KIF25: variants seen among roughly 807,000 people sequenced by gnomAD.
KIF25 encodes kinesin-like protein KIF25.
Under a neutral mutation model 32.9 loss-of-function variants are expected in KIF25, and 19 were observed. The ratio of observed to expected loss-of-function variants is 0.58; its 90% confidence interval spans 0.40 to 0.85. The LOEUF is 0.85. KIF25 is among the 40% of genes least tolerant of loss of function. The pLI is 0.00. For synonymous variants in KIF25, 225 were observed against 213.7 expected (o/e 1.05, Z -0.46); for missense variants, 485 against 507.0 (o/e 0.96, Z 0.42).
At chr6:168,027,325 C>G (rs1456058702) in intron 5 of KIF25, among the ~76,000 whole-genome samples, 3 of 151,820 alleles carry the variant, frequency 2.0e-5, no homozygotes, top group African/African-American at 7.3e-5. Flanking sequence ...TGGTGGCACA[C>G]ACCTGTAGTC....
intron 5 of KIF25, among the ~76,000 whole-genome samples, chr6:168,025,881 G>A (rs919110605): frequency 2.6e-5 from 4 of 152,262 alleles, no homozygotes; most frequent in African/African-American, 9.6e-5. Context: ...CCCACAGAGT[G>A]TGCGGCCGAG....
chr6:168,039,867 G>T (rs1353047770), intron 9 of KIF25, among the ~76,000 whole-genome samples, 198 bp from the exon 10 acceptor site: 1 of 152,216 alleles, frequency 6.6e-6, no homozygotes, highest in Non-Finnish European at 1.5e-5. Flanking sequence ...TCAGCAATTA[G>T]AGATGCTATA....
chr6:168,035,461 C>CGGGGGGGGGCGGGAACGGCGCTGCG (rs200000338), intron 8 of KIF25, among the ~76,000 whole-genome samples: 2 of 68,986 alleles, frequency 2.9e-5, no homozygotes, highest in African/African-American at 1.5e-4. Flanking sequence ...AACGGCGCTG[C>CGGGGGGGGGCGGGAACGGCGCTGCG]GGGGGGGGCG....
At chr6:168,017,190 C>G (rs1014940514) in intron 4 of KIF25, among the ~76,000 whole-genome samples, 7 of 130,130 alleles carry the variant, frequency 5.4e-5, no homozygotes, top group African/African-American at 1.8e-4. Flanking sequence ...CATGTTATTG[C>G]AGACACACAC....
chr6:168,025,881 G>C (rs919110605), intron 5 of KIF25, among the ~76,000 whole-genome samples: 1 of 152,262 alleles, frequency 6.6e-6, no homozygotes. Context: ...CCCACAGAGT[G>C]TGCGGCCGAG....
intron 4 of KIF25, among the ~76,000 whole-genome samples, chr6:168,015,288 A>G (rs1162964041): frequency 6.6e-6 from 1 of 152,134 alleles, no homozygotes; most frequent in Non-Finnish European, 1.5e-5. Flanking sequence ...TCTTCCTCTC[A>G]GGTTTCCTTA....
At chr6:168,021,505 A>G (rs1320700662) in intron 5 of KIF25, among the ~76,000 whole-genome samples, 1 of 152,248 alleles carries the variant, frequency 6.6e-6, no homozygotes, top group Non-Finnish European at 1.5e-5. Flanking sequence ...GTGCTTTTAT[A>G]TATAAAATTT....
chr6:168,035,882 C>T (rs1799018404), intron 8 of KIF25: 7 of 429,032 alleles, frequency 1.6e-5, no homozygotes, highest in South Asian at 8.0e-5. Context: ...GGAGCAGACA[C>T]GGACCGTGTC....
chr6:168,030,392 T>C (rs1333722347), intron 6 of KIF25: 1 of 165,770 alleles, frequency 6.0e-6, no homozygotes, highest in Non-Finnish European at 1.3e-5. Flanking sequence ...ATGGGATAAT[T>C]ATATCCTCCC....
intron 10 of KIF25, among the ~76,000 whole-genome samples, chr6:168,041,420 G>A (rs1799116769): frequency 6.6e-6 from 1 of 152,232 alleles, no homozygotes. Context: ...TACAGGGGCG[G>A]TGTGGCTGCC....
At chr6:168,032,170 C>A (rs576096193) in intron 7 of KIF25, among the ~76,000 whole-genome samples, 7 of 152,166 alleles carry the variant, frequency 4.6e-5, no homozygotes, top group African/African-American at 1.4e-4. Flanking sequence ...GAGGCCTGTC[C>A]GGCCCCCACT....
At position 168,040,083 on chromosome 6, in the gene KIF25, G is replaced by C. The variant is rs146483835; in HGVS notation, c.513G>C (p.Ser171=). ...LLASEAVGSA[S]KLMELVHGGL... is the part of the protein sequence containing the mutation. ...TCTGTAGGGCTGTCGGCAGCGCCTC[G>C]AAACTGATGGAGCTCGTTCATGGAG... Residue 171 remains serine, a synonymous_variant, in exon 10 of 13, where the codon TCG becomes TCC. Transcript: ENST00000643607. 3 of 1,613,214 alleles carry C rather than the reference G, an allele frequency of 1.9e-6. No homozygotes were observed. In the South Asian group the frequency reaches 3.3e-5, roughly 18 times the overall value.
At chr6:168,001,790 T>G (rs1156273877) in intron 2 of KIF25, among the ~76,000 whole-genome samples, 1 of 71,338 alleles carries the variant, frequency 1.4e-5, no homozygotes. Context: ...GGCGTGGCCT[T>G]GGGCAGGTGA....
At chr6:168,020,690 C>G (rs936645050) in intron 5 of KIF25, among the ~76,000 whole-genome samples, 1 of 151,890 alleles carries the variant, frequency 6.6e-6, no homozygotes, top group African/African-American at 2.4e-5. Context: ...AACCCTAAAA[C>G]AACCACCAAA....
intron 6 of KIF25, 113 bp downstream of exon 6, chr6:168,029,790 G>A: frequency 7.3e-7 from 1 of 1,373,936 alleles, no homozygotes; most frequent in Non-Finnish European, 9.9e-7. Context: ...TTTTCTGAGT[G>A]AAAAGTTAAA....
chr6:168,033,979 G>T lies in KIF25; in HGVS notation c.265G>T (p.Asp89Tyr), dbSNP rs1018738896. Reference protein sequence around the residue: ...HSDDGPVLPLDPQSDLGIIPR... With the variant: ...HSDDGPVLPLYPQSDLGIIPR... ...GGACGACGGCCCTGTTCTGCCGCTT[G>T]ACCCACAGAGTGACTTAGGAATTAT... The change falls in exon 8 of 13, where the codon GAC (aspartate) becomes TAC (tyrosine). Residue 89 changes from aspartate to tyrosine, a missense_variant. Around this residue, in one of 2 missense-constraint regions of KIF25, gnomAD observed 480 missense variants for 470.3 expected, o/e 1.02. Coordinates refer to ENST00000643607, the MANE Select transcript of KIF25 (RefSeq NM_030615.4). 1.2e-6 allele frequency: 2 copies of T among 1,614,076 alleles called. No homozygotes were observed. Among genetic ancestry groups the T allele is most frequent in the Non-Finnish European group, 1.7e-6 (2 of 1,180,044 alleles).
At position 168,042,697 on chromosome 6, in the gene KIF25, C is replaced by T; in HGVS notation, c.966C>T (p.His322=). The T allele has an allele frequency of 6.2e-7, 1 of 1,612,496 alleles. No individual in the cohort carries two copies. The change falls in exon 12 of 13, where the codon CAC becomes CAT. Residue 322 remains histidine, a synonymous_variant. Coordinates refer to ENST00000643607, the MANE Select transcript of KIF25 (RefSeq NM_030615.4). ...CGTACCGGAACAGCAGGCTCACCCA[C>T]CTCCTTCAGGACTGCCTCGGTAACC... The part of the protein sequence containing the change: ...HAPYRNSRLT[H]LLQDCLGGDA...
At chr6:168,008,472 C>T (rs1314281662) in intron 4 of KIF25, among the ~76,000 whole-genome samples, 1 of 152,160 alleles carries the variant, frequency 6.6e-6, no homozygotes, top group Non-Finnish European at 1.5e-5. Context: ...ATTTTGGTTA[C>T]TATAGCTTTG....
chr6:168,043,854 A>T (rs1157397067), intron 12 of KIF25, among the ~76,000 whole-genome samples: 1 of 152,154 alleles, frequency 6.6e-6, no homozygotes, highest in Non-Finnish European at 1.5e-5. Context: ...TGTAATTCTT[A>T]ACCCTCGTTA....
Sources: allele counts gnomAD v4.1 joint callset (sites outside exome capture counted in the v4.1 genomes callset), GRCh38; gene constraint gnomAD v4.1.1; regional missense constraint gnomAD v4.1.1; transcripts MANE v1.5; gene names NCBI Gene and HGNC (gene_info 2026-07-23, HGNC 2026-07-21).